Variants in DPP4 observed in about 807,000 individuals in gnomAD.
DPP4 encodes ADCP-2.
A neutral mutation model predicts 122.4 loss-of-function variants in DPP4; 93 were observed. That is an observed-to-expected ratio of 0.76 (90% CI 0.64 to 0.90). The LOEUF is 0.90. DPP4 is among the 40% of genes least tolerant of loss of function. The pLI is 0.00. For missense variants in DPP4, 914 were observed against 907.3 expected, an observed-to-expected ratio of 1.01 and a Z score of -0.09; for synonymous variants, 321 against 302.9, an observed-to-expected ratio of 1.06 and a Z score of -0.62.
chr2:162,002,547 G>A (rs1701177568), intron 23 of DPP4, among the ~76,000 whole-genome samples: 2 of 152,118 alleles, frequency 1.3e-5, no homozygotes, highest in Non-Finnish European at 1.5e-5. Flanking sequence ...AACGTGAACC[G>A]CTTTAAAAAT....
intron 23 of DPP4, among the ~76,000 whole-genome samples, chr2:162,001,726 A>G (rs770860661): frequency 6.6e-6 from 1 of 152,082 alleles, no homozygotes; most frequent in Admixed American, 6.5e-5. Flanking sequence ...GCTGATTGAC[A>G]TTGGTTTTGA....
In DPP4 at chr2:162,071,468, C is replaced by G. The variant is rs80185872; in HGVS notation, c.94+1931G>C. ...ACCATCCTGGCCAACATGGTAAAACCCCATCTATACTAAAATACAAAAAAT... is the reference window on the plus strand; with the variant it reads ...ACCATCCTGGCCAACATGGTAAAACGCCATCTATACTAAAATACAAAAAAT... On this transcript the variant is annotated intron_variant, in intron 2 of 25. Coordinates refer to ENST00000360534, the MANE Select transcript of DPP4 (RefSeq NM_001935.4). 4.5e-3 allele frequency among the ~76,000 whole-genome samples: 678 copies of G among 152,166 alleles called. 9 individuals are homozygous for G. The East Asian group carries it at 0.057, about 13-fold the overall frequency.
intron 10 of DPP4, among the ~76,000 whole-genome samples, chr2:162,032,447 G>C (rs955317203): frequency 6.6e-6 from 1 of 152,114 alleles, no homozygotes; most frequent in Non-Finnish European, 1.5e-5. Context: ...CAGCACTTTG[G>C]GAGGCCAAGG....
At chr2:162,033,681 AT>A in intron 9 of DPP4, 28 bp from the exon 10 acceptor site, 1 of 1,471,580 alleles carries the variant, frequency 6.8e-7, no homozygotes, top group Admixed American at 2.1e-5. Context: ...CAGAATTGGT[AT>A]TGACAAAAAA....
At chr2:162,048,890 G>T (rs1684284060) in intron 2 of DPP4, among the ~76,000 whole-genome samples, 2 of 152,140 alleles carry the variant, frequency 1.3e-5, no homozygotes, top group African/African-American at 4.8e-5. Context: ...TCAACCTTTA[G>T]CACCTAACAC....
At chr2:162,048,140 G>T (rs1684255072) in intron 2 of DPP4, among the ~76,000 whole-genome samples, 2 of 152,150 alleles carry the variant, frequency 1.3e-5, no homozygotes, top group Admixed American at 1.3e-4. Flanking sequence ...CTTAGGACAT[G>T]CTGATCACCC....
chr2:162,058,817 T>C (rs1018455913), intron 2 of DPP4, among the ~76,000 whole-genome samples: 10 of 152,202 alleles, frequency 6.6e-5, no homozygotes, highest in Non-Finnish European at 1.5e-4. Context: ...AAAACTTTCC[T>C]TTTAAAACAT....
chr2:162,070,576 T>C (rs1685083212), intron 2 of DPP4, among the ~76,000 whole-genome samples: 1 of 152,124 alleles, frequency 6.6e-6, no homozygotes, highest in African/African-American at 2.4e-5. Flanking sequence ...CCCTTCCCTT[T>C]ACATTTCCTT....
chr2:162,005,065 A>T (rs77770606), intron 23 of DPP4, among the ~76,000 whole-genome samples: 1 of 152,164 alleles, frequency 6.6e-6, no homozygotes, highest in African/African-American at 2.4e-5. Flanking sequence ...AGCTGCATCA[A>T]TGTGGCACCA....
chr2:162,067,530 A>C (rs980071607), intron 2 of DPP4, among the ~76,000 whole-genome samples: 1 of 152,106 alleles, frequency 6.6e-6, no homozygotes, highest in Non-Finnish European at 1.5e-5. Flanking sequence ...TTTCTTCCTC[A>C]CTGAACCAAA....
intron 4 of DPP4, 162 bp downstream of exon 4, chr2:162,046,753 A>G: frequency 1.5e-6 from 1 of 683,932 alleles, no homozygotes; most frequent in Non-Finnish European, 2.7e-6. Flanking sequence ...ACTAAAAAGT[A>G]GCCAAGGCAG....
chr2:162,019,721 G>A (rs1275007727), intron 14 of DPP4, among the ~76,000 whole-genome samples: 4 of 151,864 alleles, frequency 2.6e-5, no homozygotes, highest in Admixed American at 2.0e-4. Context: ...GCTACTTCGG[G>A]CGGCGGCAAA....
chr2:162,026,316 A>G (rs1304157936), intron 10 of DPP4, among the ~76,000 whole-genome samples: 1 of 152,186 alleles, frequency 6.6e-6, no homozygotes, highest in Non-Finnish European at 1.5e-5. Context: ...CCCTGCTGTA[A>G]GGCGCAGGTA....
At chr2:162,005,716 T>C (rs1205032703) in intron 23 of DPP4, 29 bp downstream of exon 23, 1 of 1,584,312 alleles carries the variant, frequency 6.3e-7, no homozygotes, top group Non-Finnish European at 8.6e-7. Flanking sequence ...AAATAGGTTA[T>C]AAAATAGGTA....
rs749268970 is a variant in DPP4, at chr2:162,019,210, A to T, written c.1298+13T>A. The T allele has an allele frequency of 6.3e-7, 1 of 1,596,032 alleles. No homozygotes were observed. Among genetic ancestry groups the T allele is most frequent in the Non-Finnish European group, 8.6e-7 (1 of 1,167,560 alleles). On this transcript the variant is annotated intron_variant, in intron 15 of 25. Transcript: ENST00000360534. The stretch of plus-strand genomic sequence containing the variant: ...TAAAATGACTCAAGTCAACAACTTG[A>T]CAGAGCTCTTACTTATAAAGATTCC...
chr2:162,029,533 G>A (rs953672887), intron 10 of DPP4, among the ~76,000 whole-genome samples: 10 of 152,222 alleles, frequency 6.6e-5, no homozygotes, highest in African/African-American at 1.9e-4. Flanking sequence ...CCGCACAGTC[G>A]TAGCATGCAG....
chr2:162,030,108 G>A (rs868531782), intron 10 of DPP4, among the ~76,000 whole-genome samples: 5 of 152,218 alleles, frequency 3.3e-5, no homozygotes, highest in Admixed American at 2.0e-4. Context: ...AGTCAACAAT[G>A]AATGTACTGC....
rs113047263 is a variant in DPP4 at position 162,036,731 on chromosome 2, CAT to C, written c.614-1409_614-1408del. 4.0e-3 allele frequency among the ~76,000 whole-genome samples: 612 copies of C among 152,256 alleles called. 3 individuals are homozygous for C. The highest frequency in any genetic ancestry group is 0.014 in the African/African-American group (596 of 41,548). On this transcript the variant is annotated intron_variant, in intron 8 of 25. Transcript: ENST00000360534. ...ATGTAGCAATTTAGAATTTACAAAA[CAT>C]ATCATATTTAGTCTCTGGGTGGTGA...
Position 162,073,464 on chromosome 2 carries a change from C to T in DPP4, c.29G>A (p.Gly10Glu). The change falls in exon 2 of 26, where the codon GGA becomes GAA. Residue 10 changes from glycine (G) to glutamate (E), a missense_variant. Transcript: ENST00000360534. MKTPWKVLL[G>E]LLGAAALVTI... ...GACAAGCGCAGCAGCACCCAGCAGT[C>T]CCAGAAGAACCTTCCACGGTGTCTG... The T allele has an allele frequency of 6.2e-7, 1 of 1,614,010 alleles. No homozygotes were observed. Among genetic ancestry groups the T allele is most frequent in the Non-Finnish European group, 8.5e-7 (1 of 1,180,020 alleles).
Sources: allele counts gnomAD v4.1 joint callset (sites outside exome capture counted in the v4.1 genomes callset), GRCh38; gene constraint gnomAD v4.1.1; transcripts MANE v1.5; gene names NCBI Gene and HGNC (gene_info 2026-07-23, HGNC 2026-07-21).